GRM8: variants seen among roughly 807,000 people sequenced by gnomAD.
GRM8 encodes the protein glutamate metabotropic receptor 8, also known as metabotropic glutamate receptor 8.
GRM8 carries 47 observed loss-of-function variants against 87.2 expected under a neutral mutation model. The observed-to-expected ratio is 0.54, with a 90% CI of 0.43 to 0.69. The LOEUF (loss-of-function observed/expected upper bound fraction) is 0.69. Ranked by LOEUF, GRM8 falls within the 30% of genes least tolerant of loss-of-function variation. GRM8 has a pLI of 0.00. For missense variants in GRM8, 1,019 were observed against 1,139.2 expected, an observed-to-expected ratio of 0.89 and a Z score of 1.52; for synonymous variants, 396 against 404.5, an observed-to-expected ratio of 0.98 and a Z score of 0.25.
chr7:126,939,155 G>T (rs1008304082), intron 3 of GRM8, among the ~76,000 whole-genome samples: 1 of 152,144 alleles, frequency 6.6e-6, no homozygotes, highest in Non-Finnish European at 1.5e-5. Context: ...AGGTTGGCAA[G>T]CCATAAAATG....
At chr7:126,690,273 G>A (rs971745711) in intron 7 of GRM8, among the ~76,000 whole-genome samples, 2 of 152,248 alleles carry the variant, frequency 1.3e-5, no homozygotes, top group African/African-American at 4.8e-5. Flanking sequence ...CATGCCAAGG[G>A]CAAGGCAGGC....
chr7:126,854,441 C>T (rs1362585292), intron 6 of GRM8, among the ~76,000 whole-genome samples: 1 of 152,126 alleles, frequency 6.6e-6, no homozygotes, highest in Non-Finnish European at 1.5e-5. Flanking sequence ...TCAGAATCAC[C>T]TGGAAGGCTT....
chr7:126,457,136 G>A (rs1053103519), intron 9 of GRM8, among the ~76,000 whole-genome samples: 20 of 151,378 alleles, frequency 1.3e-4, no homozygotes, highest in African/African-American at 4.8e-4. Context: ...TAATTGAATT[G>A]AATAGATGAG....
intron 2 of GRM8, among the ~76,000 whole-genome samples, chr7:127,226,261 T>C (rs1240942073): frequency 6.6e-6 from 1 of 152,168 alleles, no homozygotes; most frequent in African/African-American, 2.4e-5. Flanking sequence ...CAGCCCATGA[T>C]ATAACAAAGA....
chr7:126,613,858 G>A (rs2151113919), intron 7 of GRM8, among the ~76,000 whole-genome samples: 1 of 152,310 alleles, frequency 6.6e-6, no homozygotes, highest in South Asian at 2.1e-4. Context: ...TGAGGCTTGA[G>A]TAGGTAAACA....
chr7:126,817,739 G>A lies in GRM8; in HGVS notation c.1157-47674C>T, dbSNP rs146499658. Among the ~76,000 whole-genome samples the A allele has an allele frequency of 1.4e-4, 22 of 152,188 alleles. No individual in the cohort carries two copies. The East Asian group carries it at 2.1e-3, about 15-fold the overall frequency. On this transcript the variant is annotated intron_variant, in intron 6 of 10. Transcript: ENST00000339582. The stretch of plus-strand genomic sequence containing the variant: ...GAGGGGAGTGGCTGAAAGGGAGGTC[G>A]TTTGAGCATTGCTGTTTTATGAGTC...
chr7:127,009,222 C>T (rs1814632043), intron 3 of GRM8, among the ~76,000 whole-genome samples: 1 of 151,984 alleles, frequency 6.6e-6, no homozygotes, highest in Non-Finnish European at 1.5e-5. Flanking sequence ...CAAGTATGAC[C>T]TAGAGTGATC....
chr7:126,613,999 T>C (rs564779372), intron 7 of GRM8, among the ~76,000 whole-genome samples: 1 of 152,326 alleles, frequency 6.6e-6, no homozygotes, highest in African/African-American at 2.4e-5. Context: ...CAGACTTAAA[T>C]GTCCCTGTCT....
intron 3 of GRM8, among the ~76,000 whole-genome samples, chr7:126,914,689 G>A (rs1299984660): frequency 2.0e-5 from 3 of 152,126 alleles, no homozygotes; most frequent in East Asian, 1.9e-4. Flanking sequence ...AATATTTCAC[G>A]TTCTTACTTA....
intron 3 of GRM8, among the ~76,000 whole-genome samples, chr7:127,015,202 GAAGAAGAA>G (rs1815485168): frequency 1.0e-5 from 1 of 97,708 alleles, no homozygotes; most frequent in African/African-American, 4.5e-5. Context: ...AGAAGAAGAA[GAAGAAGAA>G]GAAGAAGAAG....
chr7:127,076,976 C>T (rs761588076), intron 3 of GRM8, among the ~76,000 whole-genome samples: 9 of 152,186 alleles, frequency 5.9e-5, no homozygotes, highest in South Asian at 2.1e-4. Flanking sequence ...CAGGGTCACA[C>T]AGAGCCCAAG....
intron 3 of GRM8, among the ~76,000 whole-genome samples, chr7:126,951,697 A>C (rs1430840211): frequency 6.6e-6 from 1 of 152,066 alleles, no homozygotes; most frequent in African/African-American, 2.4e-5. Flanking sequence ...GTTCACTAGA[A>C]TCAAACAAAG....
At chr7:126,975,307 G>A (rs1362286009) in intron 3 of GRM8, among the ~76,000 whole-genome samples, 1 of 152,030 alleles carries the variant, frequency 6.6e-6, no homozygotes, top group Non-Finnish European at 1.5e-5. Context: ...ACCAAGATAG[G>A]TTTTTCTTCT....
At chr7:126,820,872 G>A (rs768884762) in intron 6 of GRM8, among the ~76,000 whole-genome samples, 1 of 152,238 alleles carries the variant, frequency 6.6e-6, no homozygotes, top group African/African-American at 2.4e-5. Flanking sequence ...AGGCCAAGGT[G>A]GGCGGATCGC....
At chr7:127,039,848 G>A (rs1230378300) in intron 3 of GRM8, among the ~76,000 whole-genome samples, 2 of 32,960 alleles carry the variant, frequency 6.1e-5, no homozygotes, top group Non-Finnish European at 1.2e-4. Context: ...GGAAGGGGAC[G>A]GGGAAGGGAG....
chr7:127,051,738 G>GAAA (rs1563454593), intron 3 of GRM8, among the ~76,000 whole-genome samples: 2 of 13,048 alleles, frequency 1.5e-4, no homozygotes, highest in Non-Finnish European at 1.9e-4. Flanking sequence ...ATAATGTTGA[G>GAAA]CAAAAAAAAA....
intron 3 of GRM8, among the ~76,000 whole-genome samples, chr7:127,013,093 C>T (rs1355526820): frequency 6.6e-6 from 1 of 152,140 alleles, no homozygotes; most frequent in Non-Finnish European, 1.5e-5. Flanking sequence ...GTGGTTGAAA[C>T]CACTTTTAAT....
chr7:126,591,166 A>C (rs1009220738), intron 8 of GRM8, among the ~76,000 whole-genome samples: 1 of 152,110 alleles, frequency 6.6e-6, no homozygotes. Context: ...CATAAGCTTA[A>C]GATAAAGAGG....
intron 3 of GRM8, among the ~76,000 whole-genome samples, chr7:126,914,123 A>G (rs1013619296): frequency 1.3e-5 from 2 of 152,232 alleles, no homozygotes; most frequent in African/African-American, 4.8e-5. Context: ...ACAGAAGCAG[A>G]CACTTCTCAA....
Sources: gnomAD v4.1 joint callset for allele counts (sites outside exome capture counted in the v4.1 genomes callset) on GRCh38, gnomAD v4.1.1 for gene constraint, MANE v1.5 for transcripts, NCBI Gene and HGNC (gene_info 2026-07-23, HGNC 2026-07-21) for gene names.